AGBL1: variants seen among roughly 807,000 people sequenced by gnomAD.
The protein encoded by AGBL1 is cytosolic carboxypeptidase 4.
A neutral mutation model predicts 118.9 loss-of-function variants in AGBL1; 130 were observed. The ratio of observed to expected loss-of-function variants is 1.09; its 90% CI spans 0.95 to 1.26. The LOEUF (loss-of-function observed/expected upper bound fraction) is 1.26. AGBL1 is among the 50% of genes most tolerant of loss of function. The pLI is 0.00. For missense variants in AGBL1, 1,584 were observed against 1,298.1 expected (o/e 1.22, Z -3.38); for synonymous variants, 555 against 478.9 (o/e 1.16, Z -2.08).
intron 5 of AGBL1, among the ~76,000 whole-genome samples, chr15:86,199,857 GA>G (rs2077875348): frequency 6.6e-6 from 1 of 152,150 alleles, no homozygotes; most frequent in African/African-American, 2.4e-5. Context: ...CTCTGAAAGT[GA>G]CAAAAAGTCA....
chr15:86,527,950 T>C (rs78390344), intron 19 of AGBL1, among the ~76,000 whole-genome samples: 189 of 152,310 alleles, frequency 1.2e-3, no homozygotes, highest in African/African-American at 4.3e-3. Flanking sequence ...CATTCATCCA[T>C]CCAACCACTT....
intron 18 of AGBL1, among the ~76,000 whole-genome samples, chr15:86,429,316 T>A (rs1330341073): frequency 6.6e-6 from 1 of 152,210 alleles, no homozygotes; most frequent in Non-Finnish European, 1.5e-5. Flanking sequence ...CAAAACTCCA[T>A]GGGATGGGCC....
chr15:86,704,216 G>A (rs895788503), intron 22 of AGBL1, among the ~76,000 whole-genome samples: 5 of 152,072 alleles, frequency 3.3e-5, no homozygotes, highest in Non-Finnish European at 5.9e-5. Context: ...TACCATTCAG[G>A]ACATGGCCTG....
Position 86,703,709 on chromosome 15 carries a change from T to A in AGBL1, c.3158+29273T>A, listed in dbSNP as rs551316657. Among the ~76,000 whole-genome samples, 8 of 152,192 alleles carry A rather than the reference T, an allele frequency of 5.3e-5. No individual in the cohort carries two copies. In the East Asian group the frequency reaches 1.5e-3, roughly 29 times the overall value. On this transcript the variant is annotated intron_variant, in intron 22 of 22. Coordinates refer to ENST00000614907, the MANE Select transcript of AGBL1 (RefSeq NM_001386094.1). ...AATCTCATGAGATCTGATGTTTTCA[T>A]AAAGGGGAGTTTCTCTGCACATGCT...
intron 17 of AGBL1, among the ~76,000 whole-genome samples, chr15:86,362,935 G>A (rs552092642): frequency 1.8e-4 from 27 of 152,332 alleles, no homozygotes; most frequent in African/African-American, 6.5e-4. Context: ...AGGATTTGCA[G>A]TTTAACCAAG....
intron 17 of AGBL1, among the ~76,000 whole-genome samples, chr15:86,307,564 C>A (rs1213326518): frequency 1.3e-5 from 2 of 151,828 alleles, no homozygotes; most frequent in African/African-American, 4.8e-5. Flanking sequence ...AAGTGATGTG[C>A]CTGGTTGCAT....
At chr15:86,860,715 T>A (rs1298878278) in intron 22 of AGBL1, among the ~76,000 whole-genome samples, 1 of 38,480 alleles carries the variant, frequency 2.6e-5, no homozygotes, top group Non-Finnish European at 7.1e-5. Flanking sequence ...TGTGAGTAAG[T>A]GTGTGTGTGT....
At position 86,680,197 on chromosome 15, in the gene AGBL1, A is replaced by G. The variant is rs180831280; in HGVS notation, c.3158+5761A>G. Among the ~76,000 whole-genome samples the G allele has an allele frequency of 3.3e-5, 5 of 152,308 alleles. No homozygotes were observed. The Middle Eastern group carries it at 0.01, about 311-fold the overall frequency. On this transcript the variant is annotated intron_variant, in intron 22 of 22. Transcript: ENST00000614907. The stretch of plus-strand genomic sequence containing the variant: ...CATATTCAGATCATTTTAAAATTCA[A>G]CTTTGTGTTTAATGACTTGCATTGC...
intron 18 of AGBL1, among the ~76,000 whole-genome samples, chr15:86,422,167 C>T (rs536418575): frequency 2.8e-4 from 42 of 152,300 alleles, no homozygotes; most frequent in African/African-American, 9.9e-4. Context: ...CTGCATAGCA[C>T]TTAATCAAAA....
intron 22 of AGBL1, among the ~76,000 whole-genome samples, chr15:86,757,554 G>T (rs62031432): frequency 0.13 from 20,149 of 152,108 alleles, 1,596 homozygotes; most frequent in Non-Finnish European, 0.18. Flanking sequence ...CCAAGGCTCA[G>T]TGGGGTTAAG....
intron 18 of AGBL1, among the ~76,000 whole-genome samples, chr15:86,402,016 T>C (rs1321779571): frequency 6.6e-6 from 1 of 152,094 alleles, no homozygotes; most frequent in Non-Finnish European, 1.5e-5. Context: ...GGGAATTACA[T>C]TGAGTCTGTA....
rs190611559 is a variant in AGBL1, at chr15:86,870,764, C to T, written c.3159-36323C>T. On this transcript the variant is annotated intron_variant, in intron 22 of 22. Coordinates refer to ENST00000614907, the MANE Select transcript of AGBL1 (RefSeq NM_001386094.1). ...TGGCCCTGATTTCTTTCAGGATAAA[C>T]GGGCTTGCTGGTGCTGTCTATACTA... Among the ~76,000 whole-genome samples, 346 of 152,236 alleles carry T rather than the reference C, an allele frequency of 2.3e-3. 2 individuals carry two copies. Among genetic ancestry groups the T allele is most frequent in the African/African-American group, 7.8e-3 (323 of 41,550 alleles).
intron 16 of AGBL1, among the ~76,000 whole-genome samples, chr15:86,280,699 T>A (rs1190451676): frequency 6.6e-6 from 1 of 152,224 alleles, no homozygotes; most frequent in Admixed American, 6.5e-5. Flanking sequence ...TGATAAGGAC[T>A]TGGAAAAGAT....
At chr15:86,593,821 AT>A (rs1270632560) in intron 21 of AGBL1, among the ~76,000 whole-genome samples, 10 of 152,024 alleles carry the variant, frequency 6.6e-5, no homozygotes, top group Non-Finnish European at 1.3e-4. Flanking sequence ...TATATTTTTC[AT>A]TTCTAGAATT....
At chr15:86,172,441 A>G (rs1250584005) in intron 5 of AGBL1, among the ~76,000 whole-genome samples, 1 of 152,188 alleles carries the variant, frequency 6.6e-6, no homozygotes, top group Non-Finnish European at 1.5e-5. Context: ...ATGCTATTGA[A>G]CACTGGAATC....
intron 5 of AGBL1, among the ~76,000 whole-genome samples, chr15:86,169,284 A>G (rs2077383185): frequency 6.6e-6 from 1 of 152,240 alleles, no homozygotes; most frequent in African/African-American, 2.4e-5. Flanking sequence ...TTAGCTGGAT[A>G]TGCAAGCGTA....
At chr15:86,862,458 G>T (rs1477879431) in intron 22 of AGBL1, among the ~76,000 whole-genome samples, 1 of 152,168 alleles carries the variant, frequency 6.6e-6, no homozygotes, top group Non-Finnish European at 1.5e-5. Context: ...GGTGGCTCAT[G>T]CCTGTAATCC....
chr15:86,319,587 A>G lies in AGBL1; in HGVS notation c.2374+24179A>G, dbSNP rs76119426. Among the ~76,000 whole-genome samples the G allele has an allele frequency of 5.7e-3, 867 of 151,826 alleles. 10 individuals carry two copies. The highest frequency in any genetic ancestry group is 0.02 in the African/African-American group (827 of 41,390). ...CAATTCTGACGTAAATCATGTTTTT[A>G]TAGACGTGGGTCTGTTTCTGTTATT... On this transcript the variant is annotated intron_variant, in intron 17 of 22. Transcript: ENST00000614907.
chr15:86,316,285 T>C lies in AGBL1; in HGVS notation c.2374+20877T>C, dbSNP rs199497654. Among the ~76,000 whole-genome samples the C allele has an allele frequency of 3.3e-5, 5 of 152,320 alleles. No homozygotes were observed. The East Asian group carries it at 9.7e-4, about 29-fold the overall frequency. On this transcript the variant is annotated intron_variant, in intron 17 of 22. Coordinates refer to ENST00000614907, the MANE Select transcript of AGBL1 (RefSeq NM_001386094.1). ...CAACTCATCTTGGAGTGAAAGGCTC[T>C]TCCAGAGGCCCCAAATGATTCCTTA...
Sources: allele counts gnomAD v4.1 joint callset (sites outside exome capture counted in the v4.1 genomes callset), GRCh38; gene constraint gnomAD v4.1.1; transcripts MANE v1.5; gene names NCBI Gene and HGNC (gene_info 2026-07-23, HGNC 2026-07-21).